The following AMDHD1 variants were observed in gnomAD, a reference collection of about 807,000 sequenced individuals.
The protein encoded by AMDHD1 is probable imidazolonepropionase.
A neutral mutation model predicts 44.1 loss-of-function variants in AMDHD1; 45 were observed. The ratio of observed to expected loss-of-function variants is 1.02; its 90% CI spans 0.80 to 1.31. The LOEUF is 1.31. Among genes scored for constraint, AMDHD1 ranks in the 50% most tolerant of loss-of-function variants. AMDHD1 has a pLI of 0.00. For missense variants in AMDHD1, 586 were observed against 552.1 expected, an observed-to-expected ratio of 1.06 and a Z score of -0.61; for synonymous variants, 206 against 205.0, an observed-to-expected ratio of 1.00 and a Z score of -0.04.
chr12:95,947,597 A>C (rs1250678545), intron 1 of AMDHD1, among the ~76,000 whole-genome samples: 11 of 42,538 alleles, frequency 2.6e-4, no homozygotes, highest in Admixed American at 5.0e-4. Context: ...CCCCGCCCGG[A>C]CAGCCGTGCC....
chr12:95,950,974 AT>A (rs1223142090), intron 1 of AMDHD1, among the ~76,000 whole-genome samples: 1 of 152,310 alleles, frequency 6.6e-6, no homozygotes, highest in African/African-American at 2.4e-5. Flanking sequence ...ATGGGTACAT[AT>A]ATATGGGGTA....
intron 4 of AMDHD1, among the ~76,000 whole-genome samples, chr12:95,959,093 AAG>A: frequency 6.6e-6 from 1 of 152,194 alleles, no homozygotes; most frequent in South Asian, 2.1e-4. Context: ...AAAAAAGAAA[AAG>A]AAATAACTTG....
chr12:95,945,169 C>T (rs1334666533), intron 1 of AMDHD1, among the ~76,000 whole-genome samples: 1 of 152,014 alleles, frequency 6.6e-6, no homozygotes, highest in Non-Finnish European at 1.5e-5. Flanking sequence ...TAAAATGATA[C>T]TAATGCACCA....
chr12:95,957,138 C>G (rs887884305), intron 4 of AMDHD1, among the ~76,000 whole-genome samples, 176 bp downstream of exon 4: 1 of 152,178 alleles, frequency 6.6e-6, no homozygotes, highest in Non-Finnish European at 1.5e-5. Flanking sequence ...GATCCCTTAG[C>G]CTCATCAGTC....
In AMDHD1 at chr12:95,962,440, G is replaced by A. The variant is rs2080587443; in HGVS notation, c.899G>A (p.Cys300Tyr). The A allele has an allele frequency of 6.2e-7, 1 of 1,613,740 alleles. No homozygotes were observed. Among genetic ancestry groups the A allele is most frequent in the African/African-American group, 1.3e-5 (1 of 74,940 alleles). The change falls in exon 6 of 9, where the codon TGC (cysteine) becomes TAC (tyrosine). Residue 300 changes from cysteine to tyrosine, a missense_variant. Cys to Tyr is a radical substitution (Grantham distance 194). Coordinates refer to ENST00000266736, the MANE Select transcript of AMDHD1 (RefSeq NM_152435.3). The part of the protein sequence containing the change: ...EGIVAMATAR[C>Y]SAILLPTTAY... ...ATCGTTGCCATGGCAACGGCCAGGT[G>A]CTCTGCCATCCTTCTGCCCACCACA...
chr12:95,960,500 C>T lies in AMDHD1; in HGVS notation c.690C>T (p.Asp230=), dbSNP rs1366228828. The stretch of plus-strand genomic sequence containing the variant: ...GGGAAATACACGTGGACAATATAGA[C>T]GTATTTTGTGAGAAAGGTGTCTTTG... ...RNGEIHVDNI[D]VFCEKGVFDL... The change falls in exon 5 of 9, where the codon GAC becomes GAT. Residue 230 remains aspartate, a synonymous_variant. Coordinates refer to ENST00000266736, the MANE Select transcript of AMDHD1 (RefSeq NM_152435.3). The T allele has an allele frequency of 1.7e-5, 27 of 1,613,966 alleles. No individual in the cohort carries two copies. The highest frequency in any genetic ancestry group is 2.2e-5 in the Non-Finnish European group (26 of 1,179,972).
chr12:95,968,128 A>C lies in AMDHD1; in HGVS notation c.*285A>C, dbSNP rs2080621625. The C allele has an allele frequency of 4.9e-6, 1 of 203,210 alleles. No homozygotes were observed. The highest frequency in any genetic ancestry group is 2.3e-5 in the African/African-American group (1 of 42,800). 12.6% of individuals were successfully genotyped at this position (203,210 alleles called of 1,614,324 possible). A position where few individuals can be genotyped will look rare whatever the true frequency, so the allele number is the denominator to read the frequency against. ...CTGTAGATTAATATGGTGGGGTATC[A>C]CAAAAATGCCTTTGTGGGGAAAAGT... On this transcript the variant is annotated 3_prime_UTR_variant, in exon 9 of 9. Transcript: ENST00000266736.
intron 5 of AMDHD1, 76 bp from the exon 6 acceptor site, chr12:95,962,279 A>G: frequency 6.4e-7 from 1 of 1,550,766 alleles, no homozygotes. Flanking sequence ...TAAAACAAAC[A>G]AAGCAATTTA....
At chr12:95,945,405 T>G (rs1478818075) in intron 1 of AMDHD1, among the ~76,000 whole-genome samples, 1 of 152,226 alleles carries the variant, frequency 6.6e-6, no homozygotes, top group Non-Finnish European at 1.5e-5. Context: ...CAGGATGGTG[T>G]TGTTTTTATT....
At chr12:95,957,075 G>T in intron 4 of AMDHD1, 113 bp downstream of exon 4, 30 of 1,441,244 alleles carry the variant, frequency 2.1e-5, no homozygotes, top group Non-Finnish European at 2.8e-5. Flanking sequence ...GAAGTCTTTG[G>T]AAAGACCTGA....
intron 2 of AMDHD1, 56 bp from the exon 3 acceptor site, chr12:95,954,855 C>T: frequency 1.3e-6 from 2 of 1,546,068 alleles, no homozygotes; most frequent in South Asian, 1.1e-5. Flanking sequence ...TGTTTGCCTG[C>T]TGTCTAAGTG....
In AMDHD1 at chr12:95,966,371, T is replaced by A. The variant is rs1377221025; in HGVS notation, c.1056T>A (p.Cys352Ter). 6.2e-7 allele frequency: 1 copy of A among 1,614,244 alleles called. No individual in the cohort carries two copies. The highest frequency in any genetic ancestry group is 1.3e-5 in the African/African-American group (1 of 75,056). The change falls in exon 8 of 9, where the codon TGT (cysteine) becomes TGA (stop). Residue 352 changes from cysteine to a stop codon, truncating the protein, a stop_gained. Coordinates refer to ENST00000266736, the MANE Select transcript of AMDHD1 (RefSeq NM_152435.3). LOFTEE classifies it high-confidence loss of function. ...FSMPMVMHLA[C>*]VNMRMSMPEA... is the part of the protein sequence containing the mutation. Reference sequence around the variant, plus strand: ...AGCCAATGGTCATGCATCTGGCCTGTGTAAACATGAGAATGTCCATGCCTG... The same window carrying A: ...AGCCAATGGTCATGCATCTGGCCTGAGTAAACATGAGAATGTCCATGCCTG...
chr12:95,967,060 C>T (rs1488346829), intron 8 of AMDHD1, among the ~76,000 whole-genome samples: 4 of 152,208 alleles, frequency 2.6e-5, no homozygotes, highest in Non-Finnish European at 5.9e-5. Context: ...GAGGTTTAAT[C>T]GACTCACAGT....
intron 6 of AMDHD1, among the ~76,000 whole-genome samples, chr12:95,964,032 TAAA>T (rs35799594): frequency 8.4e-5 from 10 of 119,374 alleles, no homozygotes; most frequent in Non-Finnish European, 1.5e-4. Flanking sequence ...GATTCCATCT[TAAA>T]AAAAAAAAAA....
At chr12:95,954,659 TG>T in intron 2 of AMDHD1, among the ~76,000 whole-genome samples, 1 of 152,166 alleles carries the variant, frequency 6.6e-6, no homozygotes, top group East Asian at 1.9e-4. Flanking sequence ...GCTGTATTTC[TG>T]TAAGGGATAT....
intron 1 of AMDHD1, among the ~76,000 whole-genome samples, chr12:95,944,985 T>C (rs1187344019): frequency 2.0e-5 from 3 of 151,962 alleles, no homozygotes; most frequent in African/African-American, 7.3e-5. Context: ...AATACAAACA[T>C]TAGCCGGGCA....
rs1193170194 is a variant in AMDHD1 at position 95,955,101 on chromosome 12, C to T, written c.309+126C>T. 4 of 927,024 alleles carry T rather than the reference C, an allele frequency of 4.3e-6. No homozygotes were observed. In the East Asian group the frequency reaches 1.0e-4, roughly 24 times the overall value. 57.4% of individuals were successfully genotyped at this position (927,024 alleles called of 1,614,324 possible). On this transcript the variant is annotated intron_variant, in intron 3 of 8. Coordinates refer to ENST00000266736, the MANE Select transcript of AMDHD1 (RefSeq NM_152435.3). ...ATTTTTTAATGGATATTTTTACTTG[C>T]TTGGGTATGGGAAACAAATGACAAC...
rs376246479 is a variant in AMDHD1 at position 95,943,474 on chromosome 12, C to T, written c.76C>T (p.Leu26=). The change falls in exon 1 of 9, where the codon CTG becomes TTG. Residue 26 remains leucine (L), a synonymous_variant. Coordinates refer to ENST00000266736, the MANE Select transcript of AMDHD1 (RefSeq NM_152435.3). ...VLVCARGERF[L]ARDALRSLAV... is the part of the protein sequence containing the mutation. ...GGTGTGCGCCCGCGGCGAGCGCTTC[C>T]TGGCGCGGGATGCGCTGCGCAGCCT... The T allele has an allele frequency of 1.4e-5, 21 of 1,504,298 alleles. No homozygotes were observed. The East Asian group carries it at 1.6e-4, about 12-fold the overall frequency. 93.2% of individuals were successfully genotyped at this position (1,504,298 alleles called of 1,614,324 possible). A position where few individuals can be genotyped will look rare whatever the true frequency, so the allele number is the denominator to read the frequency against.
intron 1 of AMDHD1, among the ~76,000 whole-genome samples, chr12:95,950,382 T>C (rs2080520746): frequency 6.6e-6 from 1 of 152,212 alleles, no homozygotes; most frequent in East Asian, 1.9e-4. Flanking sequence ...TTACATTTTG[T>C]TAGGTTACCC....
Sources: gnomAD v4.1 joint callset for allele counts (sites outside exome capture counted in the v4.1 genomes callset) on GRCh38, gnomAD v4.1.1 for gene constraint, MANE v1.5 for transcripts, NCBI Gene and HGNC (gene_info 2026-07-23, HGNC 2026-07-21) for gene names.